Variants in SHC3 observed in about 807,000 individuals in gnomAD.
SHC3 encodes SHC-transforming protein 3.
SHC3 carries 15 observed loss-of-function variants against 60.4 expected under a neutral mutation model. The observed-to-expected ratio is 0.25, with a 90% confidence interval of 0.17 to 0.38. The LOEUF is 0.38. Among genes scored for constraint, SHC3 ranks in the 10% least tolerant of loss-of-function variants. SHC3 has a pLI of 1.00. For missense variants in SHC3, 677 were observed against 786.1 expected, an observed-to-expected ratio of 0.86 and a Z score of 1.66; for synonymous variants, 294 against 325.9, an observed-to-expected ratio of 0.90 and a Z score of 1.05.
intron 11 of SHC3, among the ~76,000 whole-genome samples, chr9:89,015,342 T>C (rs1826076250): frequency 6.6e-6 from 1 of 152,168 alleles, no homozygotes; most frequent in Non-Finnish European, 1.5e-5. Context: ...GGCAGGGAAG[T>C]GTCTGAGACA....
intron 1 of SHC3, among the ~76,000 whole-genome samples, chr9:89,166,147 C>T (rs1383574895): frequency 6.6e-6 from 1 of 152,130 alleles, no homozygotes; most frequent in Non-Finnish European, 1.5e-5. Flanking sequence ...ACACACATGT[C>T]CCATCCACAT....
At chr9:89,021,714 A>T (rs1826203611) in intron 11 of SHC3, among the ~76,000 whole-genome samples, 1 of 152,200 alleles carries the variant, frequency 6.6e-6, no homozygotes, top group Non-Finnish European at 1.5e-5. Flanking sequence ...GGGCCAGTAG[A>T]ACACAGTGCT....
At chr9:89,049,412 C>T (rs1226826111) in intron 7 of SHC3, among the ~76,000 whole-genome samples, 1 of 152,208 alleles carries the variant, frequency 6.6e-6, no homozygotes, top group East Asian at 1.9e-4. Context: ...CATACAAACA[C>T]ATACAGAACT....
chr9:89,157,929 T>G (rs1442821852), intron 1 of SHC3, among the ~76,000 whole-genome samples: 1 of 152,118 alleles, frequency 6.6e-6, no homozygotes, highest in African/African-American at 2.4e-5. Flanking sequence ...CCCAGGCTGG[T>G]GTATCAATTT....
intron 2 of SHC3, among the ~76,000 whole-genome samples, chr9:89,102,975 G>T (rs1825804801): frequency 6.6e-6 from 1 of 152,206 alleles, no homozygotes; most frequent in Non-Finnish European, 1.5e-5. Context: ...TATTTAGCCT[G>T]GAGGGTGATG....
chr9:89,046,009 G>A (rs948460756), intron 8 of SHC3, among the ~76,000 whole-genome samples, 176 bp from the exon 9 acceptor site: 2 of 151,960 alleles, frequency 1.3e-5, no homozygotes, highest in African/African-American at 4.8e-5. Context: ...ATAAGTTTGT[G>A]TGGGTGTGAG....
At chr9:89,078,674 C>A (rs1004262055) in intron 2 of SHC3, among the ~76,000 whole-genome samples, 12 of 152,044 alleles carry the variant, frequency 7.9e-5, no homozygotes, top group Admixed American at 4.6e-4. Flanking sequence ...GCTAGGGTGG[C>A]AGGAAGGGAA....
At chr9:89,017,150 T>C (rs1160314356) in intron 11 of SHC3, among the ~76,000 whole-genome samples, 1 of 152,178 alleles carries the variant, frequency 6.6e-6, no homozygotes, top group African/African-American at 2.4e-5. Context: ...AAAACTACTT[T>C]AAATTTCATA....
At chr9:89,092,028 T>C (rs1048814710) in intron 2 of SHC3, among the ~76,000 whole-genome samples, 1 of 152,186 alleles carries the variant, frequency 6.6e-6, no homozygotes, top group African/African-American at 2.4e-5. Context: ...CATTTCTGTA[T>C]GCAAAAACAC....
At chr9:89,168,077 G>A (rs1049857729) in intron 1 of SHC3, among the ~76,000 whole-genome samples, 8 of 152,222 alleles carry the variant, frequency 5.3e-5, no homozygotes, top group African/African-American at 1.7e-4. Flanking sequence ...CTCCCTGTGG[G>A]CAGAGTCACA....
intron 1 of SHC3, among the ~76,000 whole-genome samples, chr9:89,124,150 A>G (rs1271213620): frequency 6.6e-6 from 1 of 152,180 alleles, no homozygotes; most frequent in Non-Finnish European, 1.5e-5. Flanking sequence ...ATACCATCTC[A>G]TGCCAGTTAG....
At chr9:89,103,118 A>G (rs564604406) in intron 2 of SHC3, among the ~76,000 whole-genome samples, 60 of 152,316 alleles carry the variant, frequency 3.9e-4, no homozygotes, top group Middle Eastern at 6.8e-3. Flanking sequence ...GATGAATGCT[A>G]AGAAAGTTTT....
At chr9:89,048,493 G>T (rs1824810273) in intron 7 of SHC3, among the ~76,000 whole-genome samples, 1 of 152,160 alleles carries the variant, frequency 6.6e-6, no homozygotes, top group South Asian at 2.1e-4. Context: ...GTAGATTAGT[G>T]GTTGGTGGAA....
intron 1 of SHC3, among the ~76,000 whole-genome samples, chr9:89,136,662 G>A (rs545331885): frequency 9.8e-5 from 15 of 152,314 alleles, no homozygotes; most frequent in South Asian, 2.1e-4. Context: ...ACCAGCAGCC[G>A]TTGGCGCTGC....
At chr9:89,140,335 T>TC (rs34117028) in intron 1 of SHC3, among the ~76,000 whole-genome samples, 1,584 of 147,850 alleles carry the variant, frequency 0.011, 19 homozygotes, top group Admixed American at 0.035. Context: ...GCAAACAGAT[T>TC]CCCCCCCCCA....
At chr9:89,038,360 A>T in intron 10 of SHC3, 72 bp from the exon 11 acceptor site, 1 of 1,372,462 alleles carries the variant, frequency 7.3e-7, no homozygotes, top group East Asian at 2.3e-5. Context: ...AAAAAAAAAA[A>T]ATACAGTGAG....
chr9:89,178,497 G>C lies in SHC3; in HGVS notation c.-37C>G. On this transcript the variant is annotated 5_prime_UTR_variant, in exon 1 of 12. Transcript: ENST00000375835. This position sits in a 1 kb window ranked among gnomAD's most constrained non-coding sequence, Gnocchi z 6.9. ...GGCTCGCTGCATCCGCCCGGGCGCT[G>C]CTGGTGCCGGCCCCGGCGCGGGCTG... 1 of 1,419,802 alleles carries C rather than the reference G, an allele frequency of 7.0e-7. No individual in the cohort carries two copies. Among genetic ancestry groups the C allele is most frequent in the South Asian group, 1.6e-5 (1 of 62,348 alleles). 88.0% of individuals were successfully genotyped at this position (1,419,802 alleles called of 1,614,324 possible). A position where few individuals can be genotyped will look rare whatever the true frequency, so the allele number is the denominator to read the frequency against.
intron 11 of SHC3, among the ~76,000 whole-genome samples, chr9:89,017,184 A>G (rs1240096937): frequency 6.6e-6 from 1 of 152,216 alleles, no homozygotes; most frequent in African/African-American, 2.4e-5. Context: ...GAGCCCACAT[A>G]GCCAAGACAA....
chr9:89,071,538 G>A (rs755482397), intron 4 of SHC3, among the ~76,000 whole-genome samples: 35 of 152,122 alleles, frequency 2.3e-4, no homozygotes, highest in Non-Finnish European at 4.9e-4. Flanking sequence ...AACCCAGAGG[G>A]GTCAAGTGGC....
Sources: allele counts gnomAD v4.1 joint callset (sites outside exome capture counted in the v4.1 genomes callset), GRCh38; gene constraint gnomAD v4.1.1; non-coding constraint Gnocchi (gnomAD v3.1); transcripts MANE v1.5; gene names NCBI Gene and HGNC (gene_info 2026-07-23, HGNC 2026-07-21).